NRG1: variants seen among roughly 807,000 people sequenced by gnomAD.
NRG1 encodes the protein neuregulin 1.
A neutral mutation model predicts 63.8 loss-of-function variants in NRG1; 18 were observed. The ratio of observed to expected loss-of-function variants is 0.28; its 90% CI spans 0.19 to 0.42. The LOEUF (loss-of-function observed/expected upper bound fraction) is 0.42, where lower values mean the gene tolerates loss of function less well. NRG1 is among the 10% of genes least tolerant of loss of function. The pLI, the probability that NRG1 is intolerant of heterozygous loss-of-function variation, is 1.00. For synonymous variants in NRG1, 302 were observed against 301.3 expected (o/e 1.00, Z -0.02); for missense variants, 762 against 814.7 (o/e 0.94, Z 0.79).
intron 1 of NRG1, among the ~76,000 whole-genome samples, chr8:31,920,022 C>T (rs1421982479): frequency 6.6e-6 from 1 of 152,038 alleles, no homozygotes; most frequent in South Asian, 2.1e-4. Flanking sequence ...ATGGGAAGAA[C>T]TATTTGGGTT....
At chr8:32,761,791 A>C (rs1830716693) in intron 11 of NRG1, among the ~76,000 whole-genome samples, 2 of 151,992 alleles carry the variant, frequency 1.3e-5, no homozygotes, top group Admixed American at 1.3e-4. Flanking sequence ...CTCTAATCCC[A>C]GCACTTTGGG....
chr8:31,858,724 G>A (rs118034457), intron 1 of NRG1, among the ~76,000 whole-genome samples: 423 of 152,282 alleles, frequency 2.8e-3, no homozygotes, highest in Middle Eastern at 0.017. Flanking sequence ...AAATCAGTGC[G>A]ATGTAGTGAA....
At chr8:32,508,132 G>A (rs1225588289) in intron 1 of NRG1, among the ~76,000 whole-genome samples, 2 of 152,364 alleles carry the variant, frequency 1.3e-5, no homozygotes, top group African/African-American at 4.8e-5. Flanking sequence ...AGAGTGGAAT[G>A]TGGTGGCACA....
intron 5 of NRG1, among the ~76,000 whole-genome samples, chr8:32,699,385 G>C (rs374168846): frequency 6.6e-6 from 1 of 152,172 alleles, no homozygotes; most frequent in African/African-American, 2.4e-5. Context: ...GCAGTTGTCA[G>C]ACCCAGATTC....
At chr8:32,341,408 T>C (rs1052112693) in intron 1 of NRG1, among the ~76,000 whole-genome samples, 1 of 152,260 alleles carries the variant, frequency 6.6e-6, no homozygotes, top group African/African-American at 2.4e-5. Flanking sequence ...AGCTCGTGGC[T>C]GAAATTTTTT....
intron 1 of NRG1, among the ~76,000 whole-genome samples, chr8:32,366,093 AATTAG>A (rs1377280925): frequency 6.6e-6 from 1 of 152,172 alleles, no homozygotes; most frequent in Non-Finnish European, 1.5e-5. Context: ...GAGTATTTCT[AATTAG>A]ATTAGAATGT....
chr8:31,802,547 G>C (rs905280035), intron 1 of NRG1, among the ~76,000 whole-genome samples: 1 of 152,122 alleles, frequency 6.6e-6, no homozygotes, highest in African/African-American at 2.4e-5. Flanking sequence ...TTATTTACAT[G>C]CTGCTATTTC....
chr8:32,321,552 C>T (rs1320823587), intron 1 of NRG1, among the ~76,000 whole-genome samples: 1 of 148,870 alleles, frequency 6.7e-6, no homozygotes, highest in Non-Finnish European at 1.5e-5. Context: ...ACCACATCCC[C>T]TGATAATGAT....
chr8:32,354,790 C>A (rs1806131309), intron 1 of NRG1, among the ~76,000 whole-genome samples: 1 of 83,052 alleles, frequency 1.2e-5, no homozygotes, highest in Non-Finnish European at 2.9e-5. Context: ...CTCAATGAAG[C>A]TGCTTTTTTT....
Position 32,477,302 on chromosome 8 carries a change from G to A in NRG1, c.38-118526G>A, listed in dbSNP as rs1420169758. ...CCACCACTGAGAGTTCATCGTATTCGCCTCTGTAAAGAATAAGCCTCAAGC... is the reference window on the plus strand; with the variant it reads ...CCACCACTGAGAGTTCATCGTATTCACCTCTGTAAAGAATAAGCCTCAAGC... On this transcript the variant is annotated intron_variant, in intron 1 of 10. Coordinates refer to the NRG1 transcript ENST00000519301. Among the ~76,000 whole-genome samples, 4 of 152,034 alleles carry A rather than the reference G, an allele frequency of 2.6e-5. No homozygotes were observed. The East Asian group carries it at 5.8e-4, about 22-fold the overall frequency.
intron 1 of NRG1, among the ~76,000 whole-genome samples, chr8:32,334,107 CTTTTA>C (rs1303318375): frequency 6.6e-6 from 1 of 152,214 alleles, no homozygotes; most frequent in Non-Finnish European, 1.5e-5. Context: ...GTACTTACAT[CTTTTA>C]TTTTAACTCA....
In NRG1 at chr8:32,599,708, G is replaced by A. The variant is rs148826766; in HGVS notation, c.278+3703G>A. Among the ~76,000 whole-genome samples the A allele has an allele frequency of 1.0e-3, 157 of 152,244 alleles. 1 individual carries two copies. Among genetic ancestry groups the A allele is most frequent in the African/African-American group, 3.6e-3 (149 of 41,552 alleles). On this transcript the variant is annotated intron_variant, in intron 2 of 11. Transcript: ENST00000356819. ...AAGAAAACTGGTTAAAAAGCTTGGC[G>A]TGTGACAGATTCATATGTAAGGACT...
intron 1 of NRG1, chr8:31,641,776 T>C (rs1803812489): frequency 6.6e-6 from 1 of 152,190 alleles, no homozygotes; most frequent in Non-Finnish European, 1.5e-5. Context: ...TCTTTATGTA[T>C]CCGTCTAATA....
intron 1 of NRG1, among the ~76,000 whole-genome samples, chr8:31,935,241 C>T (rs188956626): frequency 2.4e-4 from 37 of 152,192 alleles, no homozygotes; most frequent in Non-Finnish European, 4.0e-4. Flanking sequence ...CTCAGCCTCC[C>T]AAGTAGCTAG....
At chr8:31,677,195 A>C (rs1807796475) in intron 1 of NRG1, among the ~76,000 whole-genome samples, 1 of 152,148 alleles carries the variant, frequency 6.6e-6, no homozygotes, top group African/African-American at 2.4e-5. Context: ...CCTATCTGGG[A>C]TAGGACATCG....
chr8:32,749,557 G>T (rs1199039958), intron 7 of NRG1: 1 of 1,613,564 alleles, frequency 6.2e-7, no homozygotes, highest in African/African-American at 1.3e-5. Flanking sequence ...TTCTGCATTG[G>T]CAGAGCATCT....
chr8:32,373,557 A>G (rs906204720), intron 1 of NRG1, among the ~76,000 whole-genome samples: 2 of 152,186 alleles, frequency 1.3e-5, no homozygotes, highest in Non-Finnish European at 2.9e-5. Flanking sequence ...ATTTAATGGG[A>G]TGGTATTAAG....
At chr8:31,722,463 G>C (rs1364328873) in intron 1 of NRG1, among the ~76,000 whole-genome samples, 4 of 152,062 alleles carry the variant, frequency 2.6e-5, no homozygotes, top group Admixed American at 2.0e-4. Flanking sequence ...AGAGTCCCCA[G>C]GGTATATCAT....
At chr8:31,842,627 G>A (rs1361729894) in intron 1 of NRG1, among the ~76,000 whole-genome samples, 2 of 146,138 alleles carry the variant, frequency 1.4e-5, no homozygotes, top group South Asian at 2.3e-4. Context: ...TTACTCTAAG[G>A]GATCATGTCT....
Sources: gnomAD v4.1 joint callset for allele counts (sites outside exome capture counted in the v4.1 genomes callset) on GRCh38, gnomAD v4.1.1 for gene constraint, MANE v1.5 for transcripts, NCBI Gene and HGNC (gene_info 2026-07-23, HGNC 2026-07-21) for gene names.